FGFR2: variants seen among roughly 807,000 people sequenced by gnomAD.
FGFR2 encodes BEK fibroblast growth factor receptor.
FGFR2 carries 19 observed loss-of-function variants against 95.9 expected under a neutral mutation model. That is an observed-to-expected ratio of 0.20 (90% CI 0.14 to 0.29). The LOEUF (loss-of-function observed/expected upper bound fraction) is 0.29. Among genes scored for constraint, FGFR2 ranks in the 10% least tolerant of loss-of-function variants. FGFR2 has a pLI of 1.00. For synonymous variants in FGFR2, 392 were observed against 393.3 expected (o/e 1.00, Z 0.04); for missense variants, 707 against 1,056.9 (o/e 0.67, Z 4.59).
At chr10:121,532,183 C>T (rs1424503429) in intron 6 of FGFR2, among the ~76,000 whole-genome samples, 1 of 152,216 alleles carries the variant, frequency 6.6e-6, no homozygotes, top group South Asian at 2.1e-4. Flanking sequence ...CAGGAAGCCT[C>T]TAAGTCAAGA....
At chr10:121,500,983 TG>T in intron 10 of FGFR2, 36 bp from the exon 11 acceptor site, 1 of 1,612,014 alleles carries the variant, frequency 6.2e-7, no homozygotes, top group Non-Finnish European at 8.5e-7. Context: ...ACATAGCATC[TG>T]GTGATGGGGT....
intron 5 of FGFR2, among the ~76,000 whole-genome samples, chr10:121,547,558 C>T (rs1368164448): frequency 6.6e-6 from 1 of 151,866 alleles, no homozygotes; most frequent in Admixed American, 6.6e-5. Flanking sequence ...CTACGCCCAG[C>T]TAATGGTTTA....
At chr10:121,520,680 T>C (rs1850413169) in intron 6 of FGFR2, among the ~76,000 whole-genome samples, 1 of 152,228 alleles carries the variant, frequency 6.6e-6, no homozygotes, top group African/African-American at 2.4e-5. Flanking sequence ...TCTCACTTCA[T>C]TGCCCAGGCT....
At chr10:121,559,629 T>C (rs1564988309) in intron 4 of FGFR2, among the ~76,000 whole-genome samples, 1 of 152,228 alleles carries the variant, frequency 6.6e-6, no homozygotes, top group Non-Finnish European at 1.5e-5. Context: ...CTGGTACAGC[T>C]AACACTAGCC....
Position 121,598,211 on chromosome 10 carries a change from T to C in FGFR2, c.-400A>G, listed in dbSNP as rs1238572430. The C allele has an allele frequency of 5.0e-6, 2 of 397,406 alleles. No individual in the cohort carries two copies. Among genetic ancestry groups the C allele is most frequent in the Non-Finnish European group, 8.9e-6 (2 of 225,440 alleles). The allele number at this position is 397,406 out of a possible 1,614,324, so 24.6% of individuals were successfully genotyped here. On this transcript the variant is annotated 5_prime_UTR_variant, in exon 1 of 18. Transcript: ENST00000358487. Reference sequence around the variant, plus strand: ...GGAAGAAAGGACTCAGGCTTGGCGTTGCCTCCACCAAACTTTGCTCGCGAG... The same window carrying C: ...GGAAGAAAGGACTCAGGCTTGGCGTCGCCTCCACCAAACTTTGCTCGCGAG...
Position 121,515,077 on chromosome 10 carries a change from G to C in FGFR2, c.1287+40C>G, listed in dbSNP as rs750198004. Reference sequence around the variant, plus strand: ...AAGATCCACAAGCTGGCTGGGTCATGGGGGAGGAGTAAATTTCTTTAAACT... The same window carrying C: ...AAGATCCACAAGCTGGCTGGGTCATCGGGGAGGAGTAAATTTCTTTAAACT... On this transcript the variant is annotated intron_variant, in intron 9 of 17. Coordinates refer to ENST00000358487, the MANE Select transcript of FGFR2 (RefSeq NM_000141.5). 18 of 1,592,170 alleles carry C rather than the reference G, an allele frequency of 1.1e-5. No individual in the cohort carries two copies. In the African/African-American group the frequency reaches 1.5e-4, roughly 13 times the overall value.
rs1172844728 is a variant in FGFR2, at chr10:121,481,827, C to CT, written c.2302-1807dup. On this transcript the variant is annotated intron_variant, in intron 17 of 17. Coordinates refer to ENST00000358487, the MANE Select transcript of FGFR2 (RefSeq NM_000141.5). ...CTTTAGTGCTTTTCCCGGTTTCTTT[C>CT]TTTTTTATTTTTATTTTTTTTTTTT... 738 of 178,652 alleles carry CT rather than the reference C, an allele frequency of 4.1e-3. 62 individuals carry two copies. Among genetic ancestry groups the CT allele is most frequent in the East Asian group, 0.013 (95 of 7,464 alleles). 11.1% of individuals were successfully genotyped at this position (178,652 alleles called of 1,614,324 possible).
intron 17 of FGFR2, chr10:121,481,973 G>C: frequency 2.3e-6 from 1 of 437,074 alleles, no homozygotes; most frequent in Non-Finnish European, 4.1e-6. Flanking sequence ...GAGTAGCTGG[G>C]ATTACAGGTG....
intron 2 of FGFR2, among the ~76,000 whole-genome samples, chr10:121,577,412 G>C (rs1860085871): frequency 6.6e-6 from 1 of 151,802 alleles, no homozygotes; most frequent in Admixed American, 6.6e-5. Context: ...AAAAAGCAAG[G>C]CTGCCTAGCC....
At chr10:121,592,156 C>G (rs551044234) in intron 2 of FGFR2, among the ~76,000 whole-genome samples, 8 of 152,284 alleles carry the variant, frequency 5.3e-5, no homozygotes, top group African/African-American at 1.9e-4. Flanking sequence ...CAGTTTTTGC[C>G]GAGCCACGCA....
At chr10:121,547,139 G>A (rs901895934) in intron 5 of FGFR2, among the ~76,000 whole-genome samples, 2 of 152,120 alleles carry the variant, frequency 1.3e-5, no homozygotes, top group African/African-American at 4.8e-5. Flanking sequence ...CAGGAAAATC[G>A]CTTGAACCCG....
chr10:121,498,327 C>G (rs973774231), intron 12 of FGFR2, among the ~76,000 whole-genome samples, 168 bp downstream of exon 12: 1 of 152,186 alleles, frequency 6.6e-6, no homozygotes, highest in African/African-American at 2.4e-5. Flanking sequence ...GGCACAGACC[C>G]TTCTTTGTGT....
At chr10:121,532,801 C>T (rs916394714) in intron 6 of FGFR2, among the ~76,000 whole-genome samples, 6 of 152,192 alleles carry the variant, frequency 3.9e-5, no homozygotes, top group African/African-American at 1.4e-4. Flanking sequence ...GAATAAAAGA[C>T]GCTTCATTCT....
intron 4 of FGFR2, among the ~76,000 whole-genome samples, chr10:121,553,927 T>C (rs923456023): frequency 2.6e-5 from 4 of 152,190 alleles, no homozygotes; most frequent in South Asian, 4.1e-4. Context: ...CGCGCACCTA[T>C]GCAGGCCTGA....
intron 6 of FGFR2, among the ~76,000 whole-genome samples, chr10:121,524,146 A>ACAC (rs142755962): frequency 5.8e-5 from 8 of 136,894 alleles, no homozygotes; most frequent in South Asian, 2.4e-4. Flanking sequence ...ACACACACAC[A>ACAC]CCCCAAGTTT....
chr10:121,540,905 C>T (rs1853643421), intron 5 of FGFR2, among the ~76,000 whole-genome samples: 1 of 152,154 alleles, frequency 6.6e-6, no homozygotes. Context: ...GGAGCTGAAC[C>T]TGAACTGCAC....
At chr10:121,573,063 C>T (rs3750817) in intron 2 of FGFR2, among the ~76,000 whole-genome samples, 48,972 of 152,182 alleles carry the variant, frequency 0.32, 9,466 homozygotes, top group East Asian at 0.52. Context: ...GGTTTGGAAA[C>T]GGTAAGCTAT....
rs1564879189 is a variant in FGFR2, at chr10:121,498,484, C to T, written c.1672+11G>A. 8 of 1,540,298 alleles carry T rather than the reference C, an allele frequency of 5.2e-6. No homozygotes were observed. The African/African-American group carries it at 1.1e-4, about 21-fold the overall frequency. Reference sequence around the variant, plus strand: ...AGTATTTGGGCGAATGCAGTTTTTCCTCCTACTCACCATCCTGTGTGCAGG... The same window carrying T: ...AGTATTTGGGCGAATGCAGTTTTTCTTCCTACTCACCATCCTGTGTGCAGG... On this transcript the variant is annotated intron_variant, in intron 12 of 17. Coordinates refer to ENST00000358487, the MANE Select transcript of FGFR2 (RefSeq NM_000141.5).
chr10:121,576,411 T>C (rs1009857593), intron 2 of FGFR2, among the ~76,000 whole-genome samples: 6 of 152,120 alleles, frequency 3.9e-5, no homozygotes, highest in Non-Finnish European at 5.9e-5. Flanking sequence ...TTGCTGGACA[T>C]AGCAGAGAAA....
Sources: gnomAD v4.1 joint callset for allele counts (sites outside exome capture counted in the v4.1 genomes callset) on GRCh38, gnomAD v4.1.1 for gene constraint, MANE v1.5 for transcripts, NCBI Gene and HGNC (gene_info 2026-07-23, HGNC 2026-07-21) for gene names.